SH3GL1: variants seen among roughly 807,000 people sequenced by gnomAD.
The protein encoded by SH3GL1 is SH3 domain containing GRB2 like 1, endophilin A2.
A neutral mutation model predicts 48.8 loss-of-function variants in SH3GL1; 21 were observed. The ratio of observed to expected loss-of-function variants is 0.43; its 90% CI spans 0.30 to 0.62. SH3GL1 has a LOEUF of 0.62. Among genes scored for constraint, SH3GL1 ranks in the 20% least tolerant of loss-of-function variants. SH3GL1 has a pLI of 0.11. For synonymous variants in SH3GL1, 282 were observed against 217.5 expected (o/e 1.30, Z -2.61); for missense variants, 454 against 503.0 (o/e 0.90, Z 0.93).
intron 1 of SH3GL1, among the ~76,000 whole-genome samples, chr19:4,373,759 G>T (rs1972949332): frequency 6.6e-6 from 1 of 152,202 alleles, no homozygotes; most frequent in African/African-American, 2.4e-5. Flanking sequence ...AGGCCACAGA[G>T]GGCCCCCTGA....
At chr19:4,392,169 A>G (rs1973349430) in intron 1 of SH3GL1, among the ~76,000 whole-genome samples, 1 of 151,932 alleles carries the variant, frequency 6.6e-6, no homozygotes, top group South Asian at 2.1e-4. Flanking sequence ...ACTACCTGTC[A>G]CTCCCAGCAC....
chr19:4,379,070 C>T (rs892655486), intron 1 of SH3GL1, among the ~76,000 whole-genome samples: 3 of 152,250 alleles, frequency 2.0e-5, no homozygotes, highest in Non-Finnish European at 2.9e-5. Context: ...AGTCAAGTCC[C>T]GGTTCCAAAA....
At chr19:4,379,717 G>A (rs913010729) in intron 1 of SH3GL1, among the ~76,000 whole-genome samples, 1 of 152,106 alleles carries the variant, frequency 6.6e-6, no homozygotes, top group Non-Finnish European at 1.5e-5. Context: ...CTGCCTTCGA[G>A]AACGTGCCTC....
At chr19:4,395,576 C>T (rs1023662429) in intron 1 of SH3GL1, 3 of 152,084 alleles carry the variant, frequency 2.0e-5, no homozygotes, top group South Asian at 2.1e-4. Context: ...ATATGGTTGC[C>T]ACAATACGTA....
intron 1 of SH3GL1, among the ~76,000 whole-genome samples, chr19:4,385,121 G>A (rs532239248): frequency 6.7e-6 from 1 of 148,676 alleles, no homozygotes; most frequent in East Asian, 2.0e-4. Flanking sequence ...AAAAAAACTA[G>A]GGTACGAGAA....
At chr19:4,386,448 A>C (rs1973236602) in intron 1 of SH3GL1, among the ~76,000 whole-genome samples, 1 of 143,306 alleles carries the variant, frequency 7.0e-6, no homozygotes, top group African/African-American at 2.6e-5. Context: ...AGATATTTGC[A>C]TTACTGCTTG....
In SH3GL1 at chr19:4,376,270, G is replaced by A. The variant is rs1973007006; in HGVS notation, c.46-9276C>T. ...GGGCCACCATGGGCATGAGTCACCT[G>A]TCACCAGAGCCTGGTGTCCCTGTGC... On this transcript the variant is annotated intron_variant, in intron 1 of 9. Coordinates refer to ENST00000269886, the MANE Select transcript of SH3GL1 (RefSeq NM_003025.4). This position sits in a 1 kb window ranked among gnomAD's most constrained non-coding sequence, Gnocchi z 4.3. Among the ~76,000 whole-genome samples, 1 of 152,186 alleles carries A rather than the reference G, an allele frequency of 6.6e-6. No homozygotes were observed. The highest frequency in any genetic ancestry group is 6.5e-5 in the Admixed American group (1 of 15,286).
rs989716037 is a variant in SH3GL1 at position 4,392,553 on chromosome 19, CACACACACACACACACAA to C, written c.45+7753_45+7770del. Among the ~76,000 whole-genome samples, 9 of 97,380 alleles carry C rather than the reference CACACACACACACACACAA, an allele frequency of 9.2e-5. No individual in the cohort carries two copies. In the East Asian group the frequency reaches 1.0e-3, roughly 11 times the overall value. 63.9% of individuals were successfully genotyped at this position (97,380 alleles called of 152,430 possible). ...ACACACACACACACACACACACACA[CACACACACACACACACAA>C]AAGATCATTCCATGTTTATGGCTTA... On this transcript the variant is annotated intron_variant, in intron 1 of 9. Coordinates refer to ENST00000269886, the MANE Select transcript of SH3GL1 (RefSeq NM_003025.4).
intron 1 of SH3GL1, among the ~76,000 whole-genome samples, chr19:4,394,619 C>T (rs1247364311): frequency 6.6e-6 from 1 of 152,202 alleles, no homozygotes; most frequent in African/African-American, 2.4e-5. Context: ...CACTAAGGTT[C>T]TTACCATTAT....
chr19:4,387,129 G>A (rs1973250493), intron 1 of SH3GL1, among the ~76,000 whole-genome samples: 2 of 151,902 alleles, frequency 1.3e-5, no homozygotes, highest in South Asian at 2.1e-4. Flanking sequence ...GCAGAGACAC[G>A]GTTTCACCGT....
chr19:4,361,493 G>C lies in SH3GL1; in HGVS notation c.*107C>G. 2 of 856,578 alleles carry C rather than the reference G, an allele frequency of 2.3e-6. No homozygotes were observed. The highest frequency in any genetic ancestry group is 3.6e-6 in the Non-Finnish European group (2 of 554,032). The allele number at this position is 856,578 out of a possible 1,614,324, so 53.1% of individuals were successfully genotyped here. A position where few individuals can be genotyped will look rare whatever the true frequency, so the allele number is the denominator to read the frequency against. On this transcript the variant is annotated 3_prime_UTR_variant, in exon 10 of 10. Transcript: ENST00000269886. ...AAGGGCCGGGGCCCAGGTGGCGCCGGCAGGCTCAGACACCGCCCTGGCAGC... is the reference window on the plus strand; with the variant it reads ...AAGGGCCGGGGCCCAGGTGGCGCCGCCAGGCTCAGACACCGCCCTGGCAGC...
At chr19:4,384,621 T>C (rs1973201166) in intron 1 of SH3GL1, among the ~76,000 whole-genome samples, 1 of 152,150 alleles carries the variant, frequency 6.6e-6, no homozygotes, top group Non-Finnish European at 1.5e-5. Flanking sequence ...AGCTCTCAGA[T>C]ACATGCCACA....
intron 1 of SH3GL1, among the ~76,000 whole-genome samples, chr19:4,396,242 C>CA (rs1268988364): frequency 1.3e-5 from 2 of 151,632 alleles, no homozygotes; most frequent in Non-Finnish European, 2.9e-5. Flanking sequence ...ACTAAAAATA[C>CA]AAAAAAATTA....
chr19:4,385,322 G>C (rs1973216249), intron 1 of SH3GL1, among the ~76,000 whole-genome samples: 1 of 152,164 alleles, frequency 6.6e-6, no homozygotes, highest in Admixed American at 6.5e-5. Context: ...AACCCTTTAT[G>C]ATACAACCTT....
At chr19:4,392,567 CACAA>C (rs1234224304) in intron 1 of SH3GL1, among the ~76,000 whole-genome samples, 38 of 127,090 alleles carry the variant, frequency 3.0e-4, no homozygotes, top group African/African-American at 7.7e-4. Context: ...CACACACACA[CACAA>C]AAGATCATTC....
At chr19:4,364,973 T>C (rs1221190215) in intron 4 of SH3GL1, among the ~76,000 whole-genome samples, 2 of 150,366 alleles carry the variant, frequency 1.3e-5, no homozygotes, top group African/African-American at 4.9e-5. Flanking sequence ...CTTGCTGGTC[T>C]CGAATTCCCG....
chr19:4,364,986 C>CTCAGG (rs1972740168), intron 4 of SH3GL1, among the ~76,000 whole-genome samples: 1 of 148,432 alleles, frequency 6.7e-6, no homozygotes, highest in African/African-American at 2.5e-5. Flanking sequence ...AATTCCCGAT[C>CTCAGG]TCAGGTGATC....
At chr19:4,399,352 T>G (rs1304059063) in intron 1 of SH3GL1, among the ~76,000 whole-genome samples, 304 of 91,212 alleles carry the variant, frequency 3.3e-3, no homozygotes, top group Admixed American at 4.7e-3. Context: ...ATCCAAGAAG[T>G]GTGGAGTATG....
At position 4,389,339 on chromosome 19, in the gene SH3GL1, C is replaced by T. The variant is rs1973293095; in HGVS notation, c.45+10985G>A. Among the ~76,000 whole-genome samples, 2 of 152,170 alleles carry T rather than the reference C, an allele frequency of 1.3e-5. No individual in the cohort carries two copies. Among genetic ancestry groups the T allele is most frequent in the South Asian group, 4.1e-4 (2 of 4,828 alleles). ...CTGAGAACTCAGTTCCCACATGCAT[C>T]CCCGGAAGATGCCAAGGATAAGGGG... On this transcript the variant is annotated intron_variant, in intron 1 of 9. Coordinates refer to ENST00000269886, the MANE Select transcript of SH3GL1 (RefSeq NM_003025.4). This position sits in a 1 kb window ranked among gnomAD's most constrained non-coding sequence, Gnocchi z 4.5.
Sources: allele counts gnomAD v4.1 joint callset (sites outside exome capture counted in the v4.1 genomes callset), GRCh38; gene constraint gnomAD v4.1.1; non-coding constraint Gnocchi (gnomAD v3.1); transcripts MANE v1.5; gene names NCBI Gene and HGNC (gene_info 2026-07-23, HGNC 2026-07-21).